LAS1L: variants seen among roughly 807,000 people sequenced by gnomAD.
LAS1L encodes ribosomal biogenesis protein LAS1L.
In LAS1L, 5 loss-of-function variants were observed where a neutral mutation model predicts 57.3. The observed-to-expected ratio is 0.09, with a 90% CI of 0.05 to 0.18. LAS1L has a LOEUF of 0.18. LAS1L is among the 10% of genes least tolerant of loss of function. The pLI, the probability that LAS1L is intolerant of heterozygous loss-of-function variation, is 1.00. For missense variants in LAS1L, 360 were observed against 568.3 expected, an observed-to-expected ratio of 0.63 and a Z score of 3.73; for synonymous variants, 245 against 231.7, an observed-to-expected ratio of 1.06 and a Z score of -0.52.
chrX:65,533,782 T>C (rs763917254), intron 1 of LAS1L, 47 bp from the exon 2 acceptor site: 19 of 1,178,614 alleles, frequency 1.6e-5, no homozygotes, highest in Non-Finnish European at 2.2e-5. Context: ...CTTACACTGG[T>C]CCACCCTCCA....
At chrX:65,534,321 C>A (rs1332561300) in intron 1 of LAS1L, among the ~76,000 whole-genome samples, 159 bp downstream of exon 1, 1 of 111,915 alleles carries the variant, frequency 8.9e-6, no homozygotes, top group Admixed American at 9.5e-5. Context: ...ACGGGATTAG[C>A]GCAAGAGATG....
At chrX:65,518,527 C>A in intron 11 of LAS1L, 62 bp from the exon 12 acceptor site, 2 of 1,127,416 alleles carry the variant, frequency 1.8e-6, no homozygotes, top group Non-Finnish European at 1.2e-6. Flanking sequence ...CATACCCCAA[C>A]ACTCCAGGGT....
intron 12 of LAS1L, among the ~76,000 whole-genome samples, chrX:65,516,888 G>T (rs2068655511): frequency 9.0e-6 from 1 of 110,567 alleles, no homozygotes; most frequent in Non-Finnish European, 1.9e-5. Context: ...AAAGGCCATA[G>T]TATCTTTCTC....
intron 11 of LAS1L, chrX:65,518,946 C>T (rs1421379282): frequency 1.1e-5 from 8 of 752,068 alleles, no homozygotes; most frequent in Non-Finnish European, 1.1e-5. Flanking sequence ...GCTCCTTCTG[C>T]GTGGAACACA....
At chrX:65,514,342 G>C (rs1040665941) in intron 13 of LAS1L, among the ~76,000 whole-genome samples, 9 of 110,949 alleles carry the variant, frequency 8.1e-5, no homozygotes, top group Non-Finnish European at 1.5e-4. Context: ...TGGACAGTGT[G>C]GGGAGGCCTA....
chrX:65,520,623 C>T (rs957234991), intron 11 of LAS1L: 5 of 754,624 alleles, frequency 6.6e-6, no homozygotes, highest in Non-Finnish European at 7.8e-6. Context: ...CTCTGTTCTC[C>T]ACTCTGTGTA....
chrX:65,527,037 C>A (rs1296639411), intron 7 of LAS1L, among the ~76,000 whole-genome samples: 1 of 105,785 alleles, frequency 9.5e-6, no homozygotes, highest in Non-Finnish European at 1.9e-5. Flanking sequence ...CATGGCAAAA[C>A]CCCGTCTCTA....
intron 1 of LAS1L, 28 bp from the exon 2 acceptor site, chrX:65,533,763 T>C: frequency 8.3e-7 from 1 of 1,206,270 alleles, no homozygotes; most frequent in Non-Finnish European, 1.1e-6. Flanking sequence ...AGCACCATCA[T>C]AAAGAGCCCT....
At position 65,534,772 on chromosome X, in the gene LAS1L, G is replaced by T; in HGVS notation, c.-57C>A. On this transcript the variant is annotated 5_prime_UTR_variant, in exon 1 of 14. Transcript: ENST00000374811. ...CGCTCCGCACAGCCTTCAGCTCAGC[G>T]TGCTACCCTCACTCCGAACCGCCAC... The T allele has an allele frequency of 6.1e-6, 6 of 981,551 alleles. No homozygotes were observed. The highest frequency in any genetic ancestry group is 5.6e-6 in the Non-Finnish European group (4 of 714,188). 80.9% of individuals were successfully genotyped at this position (981,551 alleles called of 1,213,427 possible).
In LAS1L at chrX:65,529,851, T is replaced by C; in HGVS notation, c.542A>G (p.Gln181Arg). The change falls in exon 5 of 14, where the codon CAG becomes CGG. Residue 181 changes from glutamine to arginine, a missense_variant. Coordinates refer to ENST00000374811, the MANE Select transcript of LAS1L (RefSeq NM_031206.7). ...RGCYFVLDWL[Q>R]KTYWCRQLEN... ...CAGTTGGCGGCACCAATAGGTCTTCTGGAGCCAATCCAGGACAAAGTAGCA... is the reference window on the plus strand; with the variant it reads ...CAGTTGGCGGCACCAATAGGTCTTCCGGAGCCAATCCAGGACAAAGTAGCA... The C allele has an allele frequency of 4.1e-6, 5 of 1,211,925 alleles. No individual in the cohort carries two copies. Among genetic ancestry groups the C allele is most frequent in the Non-Finnish European group, 5.6e-6 (5 of 895,547 alleles).
chrX:65,520,697 C>T (rs777371799), intron 11 of LAS1L: 3 of 752,171 alleles, frequency 4.0e-6, no homozygotes, highest in African/African-American at 2.3e-5. Flanking sequence ...CACAAGAAAT[C>T]GTACCCAAGT....
rs201435926 is a variant in LAS1L at position 65,529,305 on chromosome X, T to C, written c.800-47A>G. The stretch of plus-strand genomic sequence containing the variant: ...AGATAGGACTGCCAGCCCAGACCCC[T>C]TCTCCTGATGGGATTCTGAGCCTCT... On this transcript the variant is annotated intron_variant, in intron 5 of 13. Coordinates refer to ENST00000374811, the MANE Select transcript of LAS1L (RefSeq NM_031206.7). The C allele has an allele frequency of 3.9e-4, 408 of 1,041,578 alleles. 2 individuals are homozygous for C. In the African/African-American group the frequency reaches 6.5e-3, roughly 17 times the overall value. The allele number at this position is 1,041,578 out of a possible 1,213,427, so 85.8% of individuals were successfully genotyped here.
At chrX:65,513,477 A>G (rs1263082505) in intron 13 of LAS1L, among the ~76,000 whole-genome samples, 2 of 112,329 alleles carry the variant, frequency 1.8e-5, no homozygotes, top group Non-Finnish European at 3.8e-5. Context: ...GACAGCTGAG[A>G]GCAAAGCCAT....
intron 4 of LAS1L, among the ~76,000 whole-genome samples, chrX:65,530,982 A>AAAAC (rs890137882): frequency 6.7e-4 from 74 of 111,262 alleles, no homozygotes; most frequent in African/African-American, 2.3e-3. Context: ...GACTCGTCTC[A>AAAAC]AAACAAACAA....
intron 5 of LAS1L, 70 bp downstream of exon 5, chrX:65,529,524 T>G: frequency 9.5e-7 from 1 of 1,056,984 alleles, no homozygotes; most frequent in Non-Finnish European, 1.3e-6. Flanking sequence ...GCCAGGGAAA[T>G]AAACAGCGTT....
chrX:65,528,431 C>T, intron 6 of LAS1L, 62 bp from the exon 7 acceptor site: 1 of 661,815 alleles, frequency 1.5e-6, no homozygotes, highest in Non-Finnish European at 2.4e-6. Context: ...CTCCACCCCT[C>T]CAGGATCCCT....
At chrX:65,533,817 C>T in intron 1 of LAS1L, 82 bp from the exon 2 acceptor site, 4 of 1,013,796 alleles carry the variant, frequency 3.9e-6, no homozygotes, top group Non-Finnish European at 4.1e-6. Flanking sequence ...TTGTTGCAGG[C>T]TACACCCATC....
rs183637547 is a variant in LAS1L at position 65,532,263 on chromosome X, G to A, written c.432+298C>T. On this transcript the variant is annotated intron_variant, in intron 3 of 13. Transcript: ENST00000374811. ...GCTGAGCTGTCTCCTCTCTCAGACT[G>A]TCAGCTCCATGAGGGCAGGTGCTGT... Among the ~76,000 whole-genome samples the A allele has an allele frequency of 5.7e-3, 641 of 112,644 alleles. 17 individuals are homozygous for A. The highest frequency in any genetic ancestry group is 0.052 in the Admixed American group (555 of 10,675).
At chrX:65,520,936 T>A in intron 11 of LAS1L, 1 of 754,084 alleles carries the variant, frequency 1.3e-6, no homozygotes, top group South Asian at 6.7e-5. Flanking sequence ...GAAACTTGCT[T>A]TATTCTTTCT....
Sources: gnomAD v4.1 joint callset for allele counts (sites outside exome capture counted in the v4.1 genomes callset) on GRCh38, gnomAD v4.1.1 for gene constraint, MANE v1.5 for transcripts, NCBI Gene and HGNC (gene_info 2026-07-23, HGNC 2026-07-21) for gene names.